The following GRM7 variants were observed in gnomAD, a reference collection of about 807,000 sequenced individuals.
The protein encoded by GRM7 is metabotropic glutamate receptor 7.
Under a neutral mutation model 84.5 loss-of-function variants are expected in GRM7, and 35 were observed. The observed-to-expected ratio is 0.41, with a 90% CI of 0.32 to 0.55. The LOEUF (loss-of-function observed/expected upper bound fraction) is 0.55, where lower values mean the gene tolerates loss of function less well. GRM7 is among the 20% of genes least tolerant of loss of function. GRM7 has a pLI of 0.19. For synonymous variants in GRM7, 487 were observed against 455.1 expected, an observed-to-expected ratio of 1.07 and a Z score of -0.89; for missense variants, 1,003 against 1,194.6, an observed-to-expected ratio of 0.84 and a Z score of 2.36.
At chr3:7,250,957 G>T (rs1697962561) in intron 2 of GRM7, among the ~76,000 whole-genome samples, 1 of 152,126 alleles carries the variant, frequency 6.6e-6, no homozygotes, top group African/African-American at 2.4e-5. Context: ...ATTAGCTAGA[G>T]AAACCAGTTA....
Position 7,656,301 on chromosome 3 carries a change from C to A in GRM7, c.2452-23748C>A, listed in dbSNP as rs566090224. ...GTCAAAAGTTCAAGACCAGCCTGGC[C>A]AATATGGCAAAACCCTGTCTCTACC... On this transcript the variant is annotated intron_variant, in intron 8 of 9. Coordinates refer to ENST00000357716, the MANE Select transcript of GRM7 (RefSeq NM_000844.4). Among the ~76,000 whole-genome samples, 42 of 152,020 alleles carry A rather than the reference C, an allele frequency of 2.8e-4. 1 individual carries two copies. The South Asian group carries it at 8.7e-3, about 32-fold the overall frequency.
chr3:7,645,814 C>T (rs1444127780), intron 8 of GRM7, among the ~76,000 whole-genome samples: 2 of 152,154 alleles, frequency 1.3e-5, no homozygotes, highest in Admixed American at 6.5e-5. Flanking sequence ...TGGTCATCTT[C>T]CCCAATCTGA....
chr3:6,871,971 C>G (rs1695137711), intron 1 of GRM7, among the ~76,000 whole-genome samples: 1 of 152,048 alleles, frequency 6.6e-6, no homozygotes, highest in South Asian at 2.1e-4. Flanking sequence ...TCCCTCTCCT[C>G]CACTCCTTTC....
chr3:7,711,002 C>T (rs1473843240), intron 9 of GRM7, among the ~76,000 whole-genome samples: 1 of 152,200 alleles, frequency 6.6e-6, no homozygotes. Context: ...TGTACTCCCA[C>T]AGCCCTGAAA....
chr3:7,055,509 G>A (rs201180620), intron 1 of GRM7, among the ~76,000 whole-genome samples: 7 of 143,278 alleles, frequency 4.9e-5, no homozygotes, highest in African/African-American at 1.6e-4. Flanking sequence ...GTGTGTGTAT[G>A]TATATATATA....
intron 9 of GRM7, among the ~76,000 whole-genome samples, chr3:7,715,744 T>C (rs561876592): frequency 3.2e-4 from 48 of 152,170 alleles, no homozygotes; most frequent in Non-Finnish European, 6.2e-4. Flanking sequence ...GGTTCCTGAA[T>C]CTCACATATG....
chr3:7,586,598 A>C (rs750881005), intron 8 of GRM7, among the ~76,000 whole-genome samples: 14 of 152,228 alleles, frequency 9.2e-5, no homozygotes, highest in Non-Finnish European at 1.5e-4. Flanking sequence ...ACTTGAGGTC[A>C]GGAGTTCGAG....
intron 4 of GRM7, among the ~76,000 whole-genome samples, chr3:7,324,155 T>A (rs1244307442): frequency 2.0e-5 from 3 of 152,142 alleles, no homozygotes; most frequent in Non-Finnish European, 4.4e-5. Flanking sequence ...ATCCAGAACT[T>A]CCATTCTCAT....
At chr3:7,377,451 C>T (rs138743646) in intron 4 of GRM7, among the ~76,000 whole-genome samples, 1 of 152,104 alleles carries the variant, frequency 6.6e-6, no homozygotes, top group Admixed American at 6.6e-5. Flanking sequence ...CTTAAGACAG[C>T]GTCTGGAATC....
intron 4 of GRM7, among the ~76,000 whole-genome samples, chr3:7,404,780 T>C (rs983545992): frequency 1.3e-5 from 2 of 151,994 alleles, no homozygotes; most frequent in Non-Finnish European, 2.9e-5. Context: ...CTGAACTCTT[T>C]TGAGTCCTAC....
intron 4 of GRM7, among the ~76,000 whole-genome samples, chr3:7,398,204 G>A (rs1182495397): frequency 6.6e-6 from 1 of 152,124 alleles, no homozygotes; most frequent in African/African-American, 2.4e-5. Flanking sequence ...TAGGAAATAT[G>A]GCTCAGAATT....
intron 7 of GRM7, among the ~76,000 whole-genome samples, chr3:7,503,390 G>A (rs1368744006): frequency 1.3e-5 from 2 of 150,808 alleles, no homozygotes; most frequent in Non-Finnish European, 3.0e-5. Context: ...GCACGCACAT[G>A]CACACACACA....
At chr3:7,328,192 C>G (rs774166904) in intron 4 of GRM7, among the ~76,000 whole-genome samples, 2 of 152,160 alleles carry the variant, frequency 1.3e-5, no homozygotes, top group Non-Finnish European at 2.9e-5. Context: ...GGCTGATTTA[C>G]CAAGGTAACA....
At chr3:7,029,065 A>C (rs1017226904) in intron 1 of GRM7, among the ~76,000 whole-genome samples, 11 of 152,190 alleles carry the variant, frequency 7.2e-5, no homozygotes, top group Non-Finnish European at 1.2e-4. Context: ...GTATTTTGGG[A>C]GGCCAAGGAG....
At chr3:7,019,774 A>G (rs1250467466) in intron 1 of GRM7, among the ~76,000 whole-genome samples, 5 of 152,156 alleles carry the variant, frequency 3.3e-5, no homozygotes, top group African/African-American at 9.7e-5. Context: ...TCCGTAAATA[A>G]AATCTCCCTT....
chr3:7,740,807 A>T lies in GRM7; in HGVS notation c.*401A>T, dbSNP rs56173829. ...CTGTACAGTTTGTGAGGACCTTTGC[A>T]CTTTGCCATCTGATGTCGTACCTCG... On this transcript the variant is annotated 3_prime_UTR_variant, in exon 10 of 10. Coordinates refer to ENST00000357716, the MANE Select transcript of GRM7 (RefSeq NM_000844.4). The T allele has an allele frequency of 7.7e-3, 1,252 of 162,640 alleles. 10 individuals carry two copies. The highest frequency in any genetic ancestry group is 0.027 in the South Asian group (130 of 4,884). The allele number at this position is 162,640 out of a possible 1,614,324, so 10.1% of individuals were successfully genotyped here. A position where few individuals can be genotyped will look rare whatever the true frequency, so the allele number is the denominator to read the frequency against.
At chr3:6,884,744 C>T (rs961986644) in intron 1 of GRM7, among the ~76,000 whole-genome samples, 9 of 152,050 alleles carry the variant, frequency 5.9e-5, no homozygotes, top group Admixed American at 1.3e-4. Context: ...GGATTACAGA[C>T]GCCCACCACC....
intron 1 of GRM7, among the ~76,000 whole-genome samples, chr3:6,926,015 G>A (rs1376677807): frequency 1.3e-5 from 2 of 151,984 alleles, no homozygotes. Context: ...GCTCAGACTG[G>A]GATTTCGTGC....
intron 1 of GRM7, among the ~76,000 whole-genome samples, chr3:6,917,550 A>G (rs944943219): frequency 6.7e-6 from 1 of 149,724 alleles, no homozygotes; most frequent in Non-Finnish European, 1.5e-5. Context: ...AACTTAAATG[A>G]AAGAGTTTTA....
Sources: gnomAD v4.1 joint callset for allele counts (sites outside exome capture counted in the v4.1 genomes callset) on GRCh38, gnomAD v4.1.1 for gene constraint, MANE v1.5 for transcripts, NCBI Gene and HGNC (gene_info 2026-07-23, HGNC 2026-07-21) for gene names.